Variants in OR10J1 observed in about 807,000 individuals in gnomAD.
OR10J1 encodes olfactory receptor 10J1.
For synonymous variants in OR10J1, 202 were observed against 143.8 expected, an observed-to-expected ratio of 1.40 and a Z score of -2.89; for missense variants, 474 against 376.6, an observed-to-expected ratio of 1.26 and a Z score of -2.14.
At chr1:159,398,338 A>G in the OR10J1 span, among the ~76,000 whole-genome samples, 11 of 152,214 alleles carry the variant, frequency 7.2e-5, no homozygotes, top group Non-Finnish European at 1.2e-4. Flanking sequence ...ATTCCCAGAC[A>G]CTGAAGAATA....
At chr1:159,409,944 T>A in the OR10J1 span, among the ~76,000 whole-genome samples, 1 of 152,146 alleles carries the variant, frequency 6.6e-6, no homozygotes, top group Non-Finnish European at 1.5e-5. Context: ...TTTCTGCATC[T>A]ATTGAGATAA....
chr1:159,413,246 G>C, the OR10J1 span, among the ~76,000 whole-genome samples: 5 of 152,166 alleles, frequency 3.3e-5, no homozygotes, highest in Non-Finnish European at 5.9e-5. Flanking sequence ...TGGTGGGACT[G>C]TAAACTAGTT....
the OR10J1 span, among the ~76,000 whole-genome samples, chr1:159,419,435 G>C: frequency 6.6e-6 from 1 of 152,182 alleles, no homozygotes; most frequent in Non-Finnish European, 1.5e-5. Flanking sequence ...GCCTGCACAA[G>C]TTTTCTGTCT....
At chr1:159,425,508 G>T in the OR10J1 span, among the ~76,000 whole-genome samples, 2 of 152,004 alleles carry the variant, frequency 1.3e-5, no homozygotes, top group African/African-American at 4.8e-5. Flanking sequence ...TAGAGAAAAG[G>T]CTTTATAGTT....
the OR10J1 span, among the ~76,000 whole-genome samples, chr1:159,422,471 G>T: frequency 6.6e-6 from 1 of 152,340 alleles, no homozygotes; most frequent in African/African-American, 2.4e-5. Flanking sequence ...GCACTTAAAA[G>T]TGTGCAGCCA....
chr1:159,422,533 C>A, the OR10J1 span, among the ~76,000 whole-genome samples: 11 of 152,202 alleles, frequency 7.2e-5, no homozygotes, highest in East Asian at 1.4e-3. Flanking sequence ...CCACCTTGAT[C>A]CCAGGAGTAG....
chr1:159,402,669 A>G, the OR10J1 span, among the ~76,000 whole-genome samples: 1 of 152,128 alleles, frequency 6.6e-6, no homozygotes, highest in African/African-American at 2.4e-5. Flanking sequence ...CAATATTGTT[A>G]AACTATTTAT....
chr1:159,432,257 C>A, the OR10J1 span: 4 of 400,936 alleles, frequency 1.0e-5, no homozygotes, highest in East Asian at 7.1e-5. Flanking sequence ...AGGGTTTCTC[C>A]ATTTTTGAGT....
At position 159,440,326 on chromosome 1, in the gene OR10J1, G is replaced by T. The variant is rs1655898698; in HGVS notation, c.535G>T (p.Asp179Tyr). The T allele has an allele frequency of 1.9e-6, 3 of 1,614,142 alleles. No homozygotes were observed. Among genetic ancestry groups the T allele is most frequent in the Non-Finnish European group, 2.5e-6 (3 of 1,180,028 alleles). The change falls in exon 1 of 1, where the codon GAC (aspartate) becomes TAC (tyrosine). Residue 179 changes from aspartate (D) to tyrosine (Y), a missense_variant. Transcript: ENST00000423932. ...CARKVPHFFC[D>Y]IRPVMKLSCI... ...TAGAAAGGTGCCCCACTTCTTCTGT[G>T]ACATCCGCCCTGTGATGAAGCTCTC...
chr1:159,420,208 G>A, the OR10J1 span, among the ~76,000 whole-genome samples: 10 of 151,976 alleles, frequency 6.6e-5, no homozygotes, highest in Non-Finnish European at 8.8e-5. Context: ...CAGTCTACAC[G>A]CTTCTTTCCT....
At chr1:159,439,453 T>C (rs1571158446), upstream of OR10J1, among the ~76,000 whole-genome samples, 1 of 152,122 alleles carries the variant, frequency 6.6e-6, no homozygotes, top group South Asian at 2.1e-4. Context: ...CACTCATCTC[T>C]GAAGAGTAGG....
the OR10J1 span, among the ~76,000 whole-genome samples, chr1:159,411,337 C>A: frequency 2.0e-5 from 3 of 152,118 alleles, no homozygotes; most frequent in African/African-American, 4.8e-5. Context: ...GAGTCTAAGT[C>A]TCTTTGTAGG....
the OR10J1 span, among the ~76,000 whole-genome samples, chr1:159,426,973 A>T: frequency 6.6e-6 from 1 of 151,934 alleles, no homozygotes; most frequent in African/African-American, 2.4e-5. Flanking sequence ...CTCTCAGTAT[A>T]CAAATAAAAT....
At chr1:159,429,871 T>A in the OR10J1 span, among the ~76,000 whole-genome samples, 1 of 152,034 alleles carries the variant, frequency 6.6e-6, no homozygotes, top group African/African-American at 2.4e-5. Flanking sequence ...TTATTTCTAG[T>A]CCTCCAGTTT....
the OR10J1 span, among the ~76,000 whole-genome samples, chr1:159,426,725 G>A: frequency 1.3e-5 from 2 of 151,710 alleles, no homozygotes; most frequent in Non-Finnish European, 3.0e-5. Flanking sequence ...CCCAAAGGAT[G>A]TCTCAATATT....
chr1:159,415,934 T>C, the OR10J1 span, among the ~76,000 whole-genome samples: 1 of 151,890 alleles, frequency 6.6e-6, no homozygotes, highest in Non-Finnish European at 1.5e-5. Flanking sequence ...TTTTTTTCAG[T>C]TATTGTAAAT....
At chr1:159,407,655 C>T in the OR10J1 span, among the ~76,000 whole-genome samples, 1 of 152,070 alleles carries the variant, frequency 6.6e-6, no homozygotes, top group Non-Finnish European at 1.5e-5. Context: ...ATAACTTATT[C>T]AATGTGGTTA....
chr1:159,415,499 C>T, the OR10J1 span, among the ~76,000 whole-genome samples: 2 of 151,888 alleles, frequency 1.3e-5, no homozygotes, highest in African/African-American at 4.8e-5. Context: ...GAAGTCAGGT[C>T]AGGTGATGCC....
At chr1:159,407,478 C>T in the OR10J1 span, among the ~76,000 whole-genome samples, 3 of 152,058 alleles carry the variant, frequency 2.0e-5, no homozygotes, top group South Asian at 2.1e-4. Context: ...CTAGTGAATG[C>T]TATATGGTAC....
Sources: gnomAD v4.1 joint callset for allele counts (sites outside exome capture counted in the v4.1 genomes callset) on GRCh38, gnomAD v4.1.1 for gene constraint, MANE v1.5 for transcripts, NCBI Gene and HGNC (gene_info 2026-07-23, HGNC 2026-07-21) for gene names.